Variants in NBEA observed in about 807,000 individuals in gnomAD.
NBEA encodes the protein lysosomal-trafficking regulator 2.
In NBEA, 44 loss-of-function variants were observed where a neutral mutation model predicts 343.4. The observed-to-expected ratio is 0.13, with a 90% CI of 0.10 to 0.16. NBEA has a LOEUF of 0.16. Ranked by LOEUF, NBEA falls within the 10% of genes least tolerant of loss-of-function variation. NBEA has a pLI of 1.00. For synonymous variants in NBEA, 1,175 were observed against 1,238.7 expected, an observed-to-expected ratio of 0.95 and a Z score of 1.08; for missense variants, 2,555 against 3,631.3, an observed-to-expected ratio of 0.70 and a Z score of 7.62.
At chr13:35,298,209 GTGTATATATA>G (rs769244564) in intron 35 of NBEA, among the ~76,000 whole-genome samples, 5,457 of 60,466 alleles carry the variant, frequency 0.09, 194 homozygotes, top group African/African-American at 0.14. Context: ...GTGTGTGTGT[GTGTATATATA>G]TATATATATA....
chr13:35,214,025 C>T (rs2073931397), intron 33 of NBEA, among the ~76,000 whole-genome samples: 1 of 151,844 alleles, frequency 6.6e-6, no homozygotes, highest in Non-Finnish European at 1.5e-5. Flanking sequence ...TGTCTGTCTT[C>T]TTTCATTCAT....
At chr13:35,066,336 G>A (rs1050419776) in intron 8 of NBEA, among the ~76,000 whole-genome samples, 1 of 152,040 alleles carries the variant, frequency 6.6e-6, no homozygotes, top group African/African-American at 2.4e-5. Flanking sequence ...GTTCTGTTTG[G>A]TTTTTGTTCA....
At position 35,514,758 on chromosome 13, in the gene NBEA, A is replaced by G. The variant is rs940923068; in HGVS notation, c.6586-35719A>G. The stretch of plus-strand genomic sequence containing the variant: ...TACCGGTTGATCATTTATCATTCCA[A>G]TATATGGCAGTGTGCATTTGTAGGT... On this transcript the variant is annotated intron_variant, in intron 41 of 58. Coordinates refer to ENST00000379939, the MANE Select transcript of NBEA (RefSeq NM_001385012.1). Among the ~76,000 whole-genome samples, 11 of 152,252 alleles carry G rather than the reference A, an allele frequency of 7.2e-5. No homozygotes were observed. In the East Asian group the frequency reaches 2.1e-3, roughly 29 times the overall value.
rs532092376 is a variant in NBEA, at chr13:35,164,498, A to G, written c.4222A>G (p.Thr1408Ala). 1 of 1,610,106 alleles carries G rather than the reference A, an allele frequency of 6.2e-7. No individual in the cohort carries two copies. Among genetic ancestry groups the G allele is most frequent in the African/African-American group, 1.3e-5 (1 of 75,028 alleles). ...AATTTTACCTTTGCTCTCTGCTGCTACATCACCAACTGTAAGTACTTTGCC... is the reference window on the plus strand; with the variant it reads ...AATTTTACCTTTGCTCTCTGCTGCTGCATCACCAACTGTAAGTACTTTGCC... ...GGILPLLSAA[T>A]SPTGSKTELE... is the part of the protein sequence containing the mutation. The change falls in exon 24 of 59, where the codon ACA (threonine) becomes GCA (alanine). Residue 1408 changes from threonine (T) to alanine (A), a missense_variant. By Grantham distance (58) the Thr-to-Ala change is moderately conservative (BLOSUM62 0). Transcript: ENST00000379939.
At chr13:35,492,048 C>A (rs1200439547) in intron 41 of NBEA, among the ~76,000 whole-genome samples, 1 of 151,898 alleles carries the variant, frequency 6.6e-6, no homozygotes, top group African/African-American at 2.4e-5. Flanking sequence ...AATACACTTT[C>A]AAGAAAAGTA....
At chr13:35,468,265 T>C (rs2075483358) in intron 40 of NBEA, among the ~76,000 whole-genome samples, 1 of 152,202 alleles carries the variant, frequency 6.6e-6, no homozygotes, top group Non-Finnish European at 1.5e-5. Flanking sequence ...GGCGTTCTCT[T>C]GTTGGACATA....
chr13:35,608,646 T>C (rs1055214579), intron 48 of NBEA, among the ~76,000 whole-genome samples: 1 of 152,204 alleles, frequency 6.6e-6, no homozygotes, highest in African/African-American at 2.4e-5. Flanking sequence ...TCATAGCTGT[T>C]AGCATATAGT....
intron 11 of NBEA, among the ~76,000 whole-genome samples, chr13:35,105,396 T>G (rs1413991313): frequency 6.6e-6 from 1 of 152,004 alleles, no homozygotes; most frequent in Non-Finnish European, 1.5e-5. Context: ...TAAGTCTCAA[T>G]AATGTCATCA....
At chr13:35,128,178 A>C (rs1438291854) in intron 17 of NBEA, among the ~76,000 whole-genome samples, 1 of 151,944 alleles carries the variant, frequency 6.6e-6, no homozygotes, top group African/African-American at 2.4e-5. Flanking sequence ...TGGCACATGT[A>C]TACCTACGTA....
chr13:35,156,252 A>G (rs1432201859), intron 20 of NBEA, 46 bp downstream of exon 20: 4 of 1,460,596 alleles, frequency 2.7e-6, no homozygotes, highest in East Asian at 5.0e-5. Context: ...CATAATTAAT[A>G]TTTTCTCTCT....
At chr13:35,570,381 C>G (rs1332605912) in intron 45 of NBEA, among the ~76,000 whole-genome samples, 1 of 152,204 alleles carries the variant, frequency 6.6e-6, no homozygotes, top group African/African-American at 2.4e-5. Flanking sequence ...TTTCCTTTGG[C>G]AGAGCTTTTC....
At chr13:35,098,843 A>G (rs2065470764) in intron 11 of NBEA, among the ~76,000 whole-genome samples, 1 of 152,088 alleles carries the variant, frequency 6.6e-6, no homozygotes, top group African/African-American at 2.4e-5. Context: ...AGCCCTGGAC[A>G]TGAATCCTCC....
chr13:35,128,681 G>A (rs2067256617), intron 17 of NBEA, among the ~76,000 whole-genome samples: 1 of 152,052 alleles, frequency 6.6e-6, no homozygotes, highest in African/African-American at 2.4e-5. Flanking sequence ...TGACTCTGTG[G>A]GTAGTGAAAA....
chr13:35,016,586 G>A (rs1023819699), intron 1 of NBEA, among the ~76,000 whole-genome samples: 2 of 57,684 alleles, frequency 3.5e-5, no homozygotes, highest in Admixed American at 5.5e-4. Flanking sequence ...GCTTGTATGT[G>A]TATACACACA....
chr13:35,098,841 A>C, intron 11 of NBEA, among the ~76,000 whole-genome samples: 1 of 152,008 alleles, frequency 6.6e-6, no homozygotes, highest in East Asian at 1.9e-4. Flanking sequence ...CAAGCCCTGG[A>C]CATGAATCCT....
intron 10 of NBEA, among the ~76,000 whole-genome samples, chr13:35,080,995 G>A (rs2064362405): frequency 6.6e-6 from 1 of 152,114 alleles, no homozygotes; most frequent in South Asian, 2.1e-4. Context: ...ATCATCCCAA[G>A]TTTATCAGTA....
At chr13:35,621,138 A>C (rs570658933) in intron 48 of NBEA, among the ~76,000 whole-genome samples, 1 of 152,190 alleles carries the variant, frequency 6.6e-6, no homozygotes, top group Non-Finnish European at 1.5e-5. Context: ...AATGTCTGAC[A>C]TATGGTTGGT....
intron 1 of NBEA, among the ~76,000 whole-genome samples, chr13:34,957,999 A>C (rs1409820819): frequency 6.6e-6 from 1 of 152,066 alleles, no homozygotes; most frequent in Admixed American, 6.6e-5. Flanking sequence ...AGTGTTCTTT[A>C]AGTGTAAAAT....
Position 35,045,316 on chromosome 13 carries a change from C to T in NBEA, c.638C>T (p.Ala213Val). 1 of 1,606,078 alleles carries T rather than the reference C, an allele frequency of 6.2e-7. No homozygotes were observed. The highest frequency in any genetic ancestry group is 8.5e-7 in the Non-Finnish European group (1 of 1,176,676). ...TTATTGTTTCCCCAGCCAAGACATG[C>T]AGTAAAATTATTATCAGTTCTTAAT... ...RGESGIWPRH[A>V]VKLLSVLNQM... Residue 213 changes from alanine to valine, a missense_variant, in exon 4 of 59, where the codon GCA becomes GTA. This residue lies in a region of NBEA where 185 missense variants were observed against 290.6 expected (regional missense o/e 0.64). Transcript: ENST00000379939.
Sources: gnomAD v4.1 joint callset for allele counts (sites outside exome capture counted in the v4.1 genomes callset) on GRCh38, gnomAD v4.1.1 for gene constraint, gnomAD v4.1.1 regional missense constraint, MANE v1.5 for transcripts, NCBI Gene and HGNC (gene_info 2026-07-23, HGNC 2026-07-21) for gene names.